The following LRRC66 variants were observed in gnomAD, a reference collection of about 807,000 sequenced individuals.
LRRC66 encodes the protein leucine-rich repeat-containing protein 66.
LRRC66 carries 29 observed loss-of-function variants against 24.6 expected under a neutral mutation model. That is an observed-to-expected ratio of 1.18 (90% CI 0.88 to 1.61). The LOEUF (loss-of-function observed/expected upper bound fraction) is 1.61. Among genes scored for constraint, LRRC66 ranks in the 40% most tolerant of loss-of-function variants. The pLI is 0.00. For missense variants in LRRC66, 1,124 were observed against 1,058.0 expected (o/e 1.06, Z -0.87); for synonymous variants, 411 against 397.6 (o/e 1.03, Z -0.40).
Position 51,998,031 on chromosome 4 carries a change from A to G in LRRC66, c.667-94T>C, listed in dbSNP as rs964903726. The stretch of plus-strand genomic sequence containing the variant: ...ACAGAAAACTACTGTTTATGTCTCT[A>G]TGGAGGCAATATGGATTTAACACTG... On this transcript the variant is annotated intron_variant, in intron 3 of 4. Coordinates refer to ENST00000682860, the MANE Select transcript of LRRC66 (RefSeq NM_001024611.3). The G allele has an allele frequency of 4.8e-6, 5 of 1,051,394 alleles. No individual in the cohort carries two copies. In the African/African-American group the frequency reaches 4.8e-5, roughly 10 times the overall value. 65.1% of individuals were successfully genotyped at this position (1,051,394 alleles called of 1,614,324 possible). A position where few individuals can be genotyped will look rare whatever the true frequency, so the allele number is the denominator to read the frequency against.
At chr4:51,997,201 T>C (rs1304718748) in intron 4 of LRRC66, among the ~76,000 whole-genome samples, 1 of 152,198 alleles carries the variant, frequency 6.6e-6, no homozygotes. Flanking sequence ...TCCAGCACTT[T>C]AGGAGAGGGG....
In LRRC66 at chr4:51,994,942, C is replaced by T. The variant is rs1560555289; in HGVS notation, c.2080G>A (p.Asp694Asn). The T allele has an allele frequency of 6.2e-7, 1 of 1,614,156 alleles. No individual in the cohort carries two copies. The highest frequency in any genetic ancestry group is 1.7e-5 in the Admixed American group (1 of 60,016). Residue 694 changes from aspartate to asparagine, a missense_variant, in exon 5 of 5, where the codon GAC (aspartate) becomes AAC (asparagine). Transcript: ENST00000682860. ...KEPVQKSTPS[D>N]TCCELESDCD... Reference sequence around the variant, plus strand: ...TCACTCTCCAACTCACAGCAAGTGTCAGAAGGAGTGGATTTCTGCACTGGT... The same window carrying T: ...TCACTCTCCAACTCACAGCAAGTGTTAGAAGGAGTGGATTTCTGCACTGGT...
chr4:52,019,736 CAA>C (rs1736900763), intron 1 of LRRC66, among the ~76,000 whole-genome samples: 2 of 152,058 alleles, frequency 1.3e-5, no homozygotes, highest in African/African-American at 4.8e-5. Flanking sequence ...GCTAATGTAA[CAA>C]AATCAGCAAC....
At chr4:51,999,046 C>T (rs1736387039) in intron 3 of LRRC66, among the ~76,000 whole-genome samples, 1 of 152,184 alleles carries the variant, frequency 6.6e-6, no homozygotes, top group South Asian at 2.1e-4. Flanking sequence ...GCAGAACATA[C>T]CCTCTTGGTG....
chr4:52,013,682 A>G (rs1356902801), intron 2 of LRRC66, among the ~76,000 whole-genome samples: 2 of 152,232 alleles, frequency 1.3e-5, no homozygotes, highest in Non-Finnish European at 1.5e-5. Flanking sequence ...TGGTGACACC[A>G]CAACTGACTC....
intron 2 of LRRC66, among the ~76,000 whole-genome samples, chr4:52,003,786 G>C (rs1477057554): frequency 6.6e-6 from 1 of 152,116 alleles, no homozygotes; most frequent in East Asian, 1.9e-4. Flanking sequence ...AAGAAATGTT[G>C]TTTTGAACAC....
rs1055754774 is a variant in LRRC66 at position 51,994,182 on chromosome 4, G to A, written c.*197C>T. On this transcript the variant is annotated 3_prime_UTR_variant, in exon 5 of 5. Transcript: ENST00000682860. ...GTTCATCCCCATAGGATGTTAACAA[G>A]TGTGTTTAGCTTATAACCCTTCTAG... The A allele has an allele frequency of 7.1e-6, 4 of 567,344 alleles. No homozygotes were observed. The highest frequency in any genetic ancestry group is 5.0e-5 in the South Asian group (2 of 40,100). 35.1% of individuals were successfully genotyped at this position (567,344 alleles called of 1,614,324 possible).
chr4:52,000,293 A>G (rs1736418969), intron 3 of LRRC66, among the ~76,000 whole-genome samples: 1 of 152,200 alleles, frequency 6.6e-6, no homozygotes. Flanking sequence ...GCACAATAAA[A>G]ATGCACAGAA....
chr4:51,994,209 A>G lies in LRRC66; in HGVS notation c.*170T>C. 1.6e-6 allele frequency: 1 copy of G among 632,854 alleles called. No individual in the cohort carries two copies. Among genetic ancestry groups the G allele is most frequent in the Non-Finnish European group, 2.7e-6 (1 of 370,756 alleles). The allele number at this position is 632,854 out of a possible 1,614,324, so 39.2% of individuals were successfully genotyped here. The stretch of plus-strand genomic sequence containing the variant: ...GTGTTTAGCTTATAACCCTTCTAGA[A>G]TCATCGCCCTCAAGTGGGCCCACAA... On this transcript the variant is annotated 3_prime_UTR_variant, in exon 5 of 5. Coordinates refer to ENST00000682860, the MANE Select transcript of LRRC66 (RefSeq NM_001024611.3).
At chr4:52,011,588 C>T (rs1736704484) in intron 2 of LRRC66, among the ~76,000 whole-genome samples, 1 of 152,042 alleles carries the variant, frequency 6.6e-6, no homozygotes, top group Admixed American at 6.6e-5. Context: ...AAGGAAGTTA[C>T]CGTTACAGCA....
At position 51,995,694 on chromosome 4, in the gene LRRC66, C is replaced by T. The variant is rs755573156; in HGVS notation, c.1328G>A (p.Arg443His). The T allele has an allele frequency of 6.2e-7, 1 of 1,613,978 alleles. No homozygotes were observed. The highest frequency in any genetic ancestry group is 1.3e-5 in the African/African-American group (1 of 74,894). Residue 443 changes from arginine (R) to histidine (H), a missense_variant, in exon 5 of 5, where the codon CGC becomes CAC. By Grantham distance (29) the Arg-to-His change is conservative. Transcript: ENST00000682860. The part of the protein sequence containing the change: ...GHTPHPETHL[R>H]QVFPHLSLYE... ...GAGGCTTAGATGAGGAAATACTTGG[C>T]GCAGATGGGTCTCTGGGTGTGGTGT...
rs1375200417 is a variant in LRRC66, at chr4:51,995,930, A to G, written c.1092T>C (p.Ala364=). The change falls in exon 5 of 5, where the codon GCT becomes GCC. Residue 364 remains alanine, a synonymous_variant. Coordinates refer to ENST00000682860, the MANE Select transcript of LRRC66 (RefSeq NM_001024611.3). ...RSVRSTRDVQ[A]AGKKEDAPQD... is the part of the protein sequence containing the mutation. Reference sequence around the variant, plus strand: ...GGGGAGCGTCCTCTTTTTTGCCGGCAGCCTGCACATCGCGGGTGCTTCTAA... The same window carrying G: ...GGGGAGCGTCCTCTTTTTTGCCGGCGGCCTGCACATCGCGGGTGCTTCTAA... The G allele has an allele frequency of 1.2e-6, 2 of 1,613,972 alleles. No homozygotes were observed. The highest frequency in any genetic ancestry group is 2.7e-5 in the African/African-American group (2 of 74,914).
Position 51,995,154 on chromosome 4 carries a change from T to A in LRRC66, c.1868A>T (p.Glu623Val), listed in dbSNP as rs1736266141. 4 of 1,614,224 alleles carry A rather than the reference T, an allele frequency of 2.5e-6. No homozygotes were observed. The highest frequency in any genetic ancestry group is 2.2e-5 in the South Asian group (2 of 91,090). The change falls in exon 5 of 5, where the codon GAA (glutamate) becomes GTA (valine). Residue 623 changes from glutamate (E) to valine (V), a missense_variant. By Grantham distance (121) the Glu-to-Val change is moderately radical (BLOSUM62 -2). Coordinates refer to ENST00000682860, the MANE Select transcript of LRRC66 (RefSeq NM_001024611.3). ...LWDSQMEFSK[E>V]RQVSSSIDLL... ...ATCAATGGATGAACTCACTTGCCTT[T>A]CCTTAGAAAATTCCATCTGCGAGTC...
intron 3 of LRRC66, among the ~76,000 whole-genome samples, chr4:52,001,115 G>A (rs868419098): frequency 1.3e-5 from 2 of 152,140 alleles, no homozygotes; most frequent in African/African-American, 4.8e-5. Flanking sequence ...CTTACGATAG[G>A]GTAGAAGCGT....
intron 4 of LRRC66, 152 bp from the exon 5 acceptor site, chr4:51,996,317 A>T: frequency 1.4e-6 from 1 of 709,386 alleles, no homozygotes; most frequent in Non-Finnish European, 2.3e-6. Context: ...CACAATCATA[A>T]CTCACTGAAG....
At chr4:52,006,583 G>T (rs1736590602) in intron 2 of LRRC66, among the ~76,000 whole-genome samples, 1 of 149,350 alleles carries the variant, frequency 6.7e-6, no homozygotes. Flanking sequence ...GATAGCATTG[G>T]GAGATATACC....
At chr4:52,003,100 T>TAACA in intron 3 of LRRC66, 123 bp downstream of exon 3, 2 of 736,274 alleles carry the variant, frequency 2.7e-6, no homozygotes, top group Non-Finnish European at 4.3e-6. Flanking sequence ...TAAAATAGAC[T>TAACA]AACAGTTTTT....
intron 2 of LRRC66, among the ~76,000 whole-genome samples, chr4:52,005,300 A>G (rs1413158115): frequency 6.6e-6 from 1 of 152,186 alleles, no homozygotes; most frequent in Non-Finnish European, 1.5e-5. Flanking sequence ...GCGTGAGCTT[A>G]TAGAAGACTA....
At chr4:52,009,877 A>C (rs1736662930) in intron 2 of LRRC66, among the ~76,000 whole-genome samples, 1 of 152,184 alleles carries the variant, frequency 6.6e-6, no homozygotes, top group African/African-American at 2.4e-5. Flanking sequence ...ACTAGACATC[A>C]ACAATATAGC....
Sources: gnomAD v4.1 joint callset for allele counts (sites outside exome capture counted in the v4.1 genomes callset) on GRCh38, gnomAD v4.1.1 for gene constraint, MANE v1.5 for transcripts, NCBI Gene and HGNC (gene_info 2026-07-23, HGNC 2026-07-21) for gene names.